The following OSBPL6 variants were observed in gnomAD, a reference collection of about 807,000 sequenced individuals.
OSBPL6 encodes the protein oxysterol-binding protein-related protein 6.
A neutral mutation model predicts 125.8 loss-of-function variants in OSBPL6; 49 were observed. The observed-to-expected ratio is 0.39, with a 90% CI of 0.31 to 0.49. The LOEUF is 0.49. Ranked by LOEUF, OSBPL6 falls within the 20% of genes least tolerant of loss-of-function variation. The pLI is 0.88. For missense variants in OSBPL6, 986 were observed against 1,135.4 expected, an observed-to-expected ratio of 0.87 and a Z score of 1.89; for synonymous variants, 394 against 391.8, an observed-to-expected ratio of 1.01 and a Z score of -0.07.
chr2:178,360,375 G>C (rs537185689), intron 12 of OSBPL6, among the ~76,000 whole-genome samples: 5 of 152,048 alleles, frequency 3.3e-5, no homozygotes, highest in East Asian at 3.9e-4. Context: ...CAGCGCGGTG[G>C]GGGGGCGGGA....
intron 3 of OSBPL6, among the ~76,000 whole-genome samples, chr2:178,323,241 C>T (rs909456786): frequency 1.1e-4 from 17 of 152,130 alleles, no homozygotes; most frequent in African/African-American, 4.1e-4. Context: ...TTTTGATTCT[C>T]TTTTTGAATA....
At chr2:178,365,481 C>T (rs1692745503) in intron 13 of OSBPL6, among the ~76,000 whole-genome samples, 1 of 152,004 alleles carries the variant, frequency 6.6e-6, no homozygotes, top group Admixed American at 6.5e-5. Flanking sequence ...CTTCAACCAG[C>T]CTGGTCAACA....
intron 1 of OSBPL6, among the ~76,000 whole-genome samples, chr2:178,212,089 C>T (rs970372922): frequency 2.0e-5 from 3 of 152,142 alleles, no homozygotes; most frequent in African/African-American, 7.2e-5. Context: ...TGCTGTTGTG[C>T]CTGCTGAGTC....
intron 1 of OSBPL6, among the ~76,000 whole-genome samples, chr2:178,272,058 A>G (rs16866200): frequency 0.012 from 1,769 of 152,334 alleles, 32 homozygotes; most frequent in African/African-American, 0.041. Flanking sequence ...TTTGAACTGA[A>G]TAGCCAGAGA....
intron 14 of OSBPL6, among the ~76,000 whole-genome samples, chr2:178,373,113 G>A (rs79465080): frequency 6.2e-4 from 94 of 152,236 alleles, no homozygotes; most frequent in African/African-American, 2.1e-3. Context: ...CTTAGGAAAC[G>A]TTATCCCAGG....
At chr2:178,312,747 C>T (rs1215194559) in intron 3 of OSBPL6, among the ~76,000 whole-genome samples, 4 of 152,172 alleles carry the variant, frequency 2.6e-5, no homozygotes, top group African/African-American at 9.7e-5. Context: ...TGAGCCACCA[C>T]ACCCAGCCTC....
intron 5 of OSBPL6, among the ~76,000 whole-genome samples, chr2:178,330,783 C>A (rs937326666): frequency 6.6e-6 from 1 of 152,106 alleles, no homozygotes; most frequent in South Asian, 2.1e-4. Flanking sequence ...ATTCTTTGAC[C>A]GGGCCCTGGG....
At chr2:178,215,103 A>G (rs1375327657) in intron 1 of OSBPL6, among the ~76,000 whole-genome samples, 1 of 152,014 alleles carries the variant, frequency 6.6e-6, no homozygotes, top group Non-Finnish European at 1.5e-5. Context: ...TCCTTTAAAA[A>G]AAAAAAAAAG....
chr2:178,232,855 T>G (rs963998179), intron 1 of OSBPL6, among the ~76,000 whole-genome samples: 9 of 152,126 alleles, frequency 5.9e-5, no homozygotes, highest in African/African-American at 1.9e-4. Flanking sequence ...GTAGTGGGGG[T>G]AGGACCTGTT....
At chr2:178,195,144 G>A (rs1360140506) in intron 1 of OSBPL6, among the ~76,000 whole-genome samples, 1 of 152,214 alleles carries the variant, frequency 6.6e-6, no homozygotes, top group Non-Finnish European at 1.5e-5. Flanking sequence ...TAACGCCTAC[G>A]CCGCACCTTT....
chr2:178,372,764 T>C (rs1693512535), intron 14 of OSBPL6, among the ~76,000 whole-genome samples: 1 of 152,228 alleles, frequency 6.6e-6, no homozygotes, highest in Non-Finnish European at 1.5e-5. Context: ...ATGTGCTAGG[T>C]ATTGTGTTAA....
At chr2:178,385,308 C>A in intron 18 of OSBPL6, 150 bp from the exon 19 acceptor site, 2 of 590,412 alleles carry the variant, frequency 3.4e-6, no homozygotes, top group Non-Finnish European at 5.9e-6. Flanking sequence ...GCATTATTTC[C>A]CCTCTAAATT....
At chr2:178,384,854 G>A (rs1694792200) in intron 18 of OSBPL6, among the ~76,000 whole-genome samples, 1 of 151,256 alleles carries the variant, frequency 6.6e-6, no homozygotes, top group African/African-American at 2.4e-5. Flanking sequence ...TGGGCAAATT[G>A]TGAGGGAGAG....
rs1453913611 is a variant in OSBPL6, at chr2:178,400,093, A to C, written c.*4534A>C. 6.6e-6 allele frequency: 1 copy of C among 151,954 alleles called. No individual in the cohort carries two copies. The highest frequency in any genetic ancestry group is 1.5e-5 in the Non-Finnish European group (1 of 68,018). 9.4% of individuals were successfully genotyped at this position (151,954 alleles called of 1,614,324 possible). On this transcript the variant is annotated 3_prime_UTR_variant, in exon 25 of 25. Transcript: ENST00000190611. ...ATTTGTGTTCCACCTGTTTCTTCTA[A>C]CACTTAATTCATAAAGTGAGCAATT...
chr2:178,205,910 G>A (rs2089503247), intron 1 of OSBPL6, among the ~76,000 whole-genome samples: 1 of 152,140 alleles, frequency 6.6e-6, no homozygotes, highest in Non-Finnish European at 1.5e-5. Context: ...TTGGCTCTTG[G>A]CTATGAAAAT....
At chr2:178,324,320 G>A (rs991107805) in intron 4 of OSBPL6, 51 bp downstream of exon 4, 51 of 1,333,712 alleles carry the variant, frequency 3.8e-5, no homozygotes, top group Non-Finnish European at 5.1e-5. Context: ...CCTGCTCTGG[G>A]GCCAATTGAA....
intron 2 of OSBPL6, among the ~76,000 whole-genome samples, chr2:178,298,273 C>A (rs1685939647): frequency 6.6e-6 from 1 of 152,092 alleles, no homozygotes. Flanking sequence ...TAAATATATT[C>A]ATTCATTCAT....
intron 2 of OSBPL6, among the ~76,000 whole-genome samples, chr2:178,296,908 G>GCAAGT (rs2154051674): frequency 6.6e-6 from 1 of 152,262 alleles, no homozygotes; most frequent in Non-Finnish European, 1.5e-5. Flanking sequence ...CCTGATATGT[G>GCAAGT]GGTAATGGCT....
At chr2:178,373,756 T>C in intron 14 of OSBPL6, 134 bp from the exon 15 acceptor site, 3 of 1,033,134 alleles carry the variant, frequency 2.9e-6, no homozygotes, top group Admixed American at 2.7e-5. Flanking sequence ...CATTGCTGAA[T>C]TGCAAGTGAA....
Sources: gnomAD v4.1 joint callset for allele counts (sites outside exome capture counted in the v4.1 genomes callset) on GRCh38, gnomAD v4.1.1 for gene constraint, MANE v1.5 for transcripts, NCBI Gene and HGNC (gene_info 2026-07-23, HGNC 2026-07-21) for gene names.